Variants in METTL8 observed in about 807,000 individuals in gnomAD.
METTL8 encodes methyltransferase 8, tRNA N3-cytidine.
In METTL8, 32 loss-of-function variants were observed where a neutral mutation model predicts 48.7. The ratio of observed to expected loss-of-function variants is 0.66; its 90% CI spans 0.50 to 0.88. METTL8 has a LOEUF of 0.88. METTL8 is among the 40% of genes least tolerant of loss of function. METTL8 has a pLI of 0.00. For synonymous variants in METTL8, 136 were observed against 157.1 expected, an observed-to-expected ratio of 0.87 and a Z score of 1.01; for missense variants, 464 against 474.4, an observed-to-expected ratio of 0.98 and a Z score of 0.20.
chr2:171,375,225 C>A, intron 2 of METTL8: 2 of 1,301,324 alleles, frequency 1.5e-6, no homozygotes, highest in South Asian at 2.4e-5. Context: ...GAATAGGATG[C>A]ACGTGGCCGC....
At chr2:171,332,290 T>G (rs1194678290) in intron 5 of METTL8, 1 of 148,976 alleles carries the variant, frequency 6.7e-6, no homozygotes, top group Non-Finnish European at 1.4e-5. Context: ...GCCCCTCAGC[T>G]TTTTTTTTGA....
chr2:171,371,803 TA>T (rs1309352732), intron 2 of METTL8, among the ~76,000 whole-genome samples: 1 of 149,946 alleles, frequency 6.7e-6, no homozygotes, highest in Non-Finnish European at 1.5e-5. Flanking sequence ...AGCTAATTTT[TA>T]AAATTTTTAA....
intron 1 of METTL8, among the ~76,000 whole-genome samples, chr2:171,399,427 TGGGTTCA>T (rs1689429888): frequency 6.6e-6 from 1 of 152,150 alleles, no homozygotes; most frequent in African/African-American, 2.4e-5. Context: ...TAAAAGGACT[TGGGTTCA>T]GCATACATAG....
At chr2:171,324,703 C>T (rs1044107823) in intron 9 of METTL8, among the ~76,000 whole-genome samples, 1 of 152,182 alleles carries the variant, frequency 6.6e-6, no homozygotes, top group Non-Finnish European at 1.5e-5. Context: ...TAAAAGTACT[C>T]ACATAAATTT....
chr2:171,336,190 G>C (rs1686070898), intron 5 of METTL8, among the ~76,000 whole-genome samples: 1 of 152,032 alleles, frequency 6.6e-6, no homozygotes, highest in African/African-American at 2.4e-5. Context: ...CCACCTCCTG[G>C]GTTCAAGCAA....
chr2:171,331,795 G>A lies in METTL8; in HGVS notation c.720+9C>T, dbSNP rs554813161. 6.3e-7 allele frequency: 1 copy of A among 1,596,648 alleles called. No homozygotes were observed. The highest frequency in any genetic ancestry group is 1.1e-5 in the South Asian group (1 of 88,246). ...GCATCAGTTGGTATGATTCCCAGGA[G>A]TAGCATACCTTTACGAGCTCCACAG... On this transcript the variant is annotated intron_variant, in intron 6 of 9. Coordinates refer to ENST00000375258, the MANE Select transcript of METTL8 (RefSeq NM_001321154.2).
intron 1 of METTL8, among the ~76,000 whole-genome samples, chr2:171,424,781 A>T (rs1474913987): frequency 1.3e-5 from 2 of 152,192 alleles, no homozygotes; most frequent in African/African-American, 4.8e-5. Flanking sequence ...TTTTGAGTTA[A>T]TGCTGGAATA....
In METTL8 at chr2:171,322,059, T is replaced by C. The variant is rs1684548069; in HGVS notation, c.*2113A>G. 6.6e-6 allele frequency: 1 copy of C among 150,774 alleles called. No individual in the cohort carries two copies. The highest frequency in any genetic ancestry group is 1.5e-5 in the Non-Finnish European group (1 of 67,776). 9.3% of individuals were successfully genotyped at this position (150,774 alleles called of 1,614,324 possible). On this transcript the variant is annotated 3_prime_UTR_variant, in exon 10 of 10. Coordinates refer to ENST00000375258, the MANE Select transcript of METTL8 (RefSeq NM_001321154.2). ...CTCACTGCAACCTCTGCCTCCCGGG[T>C]TCAAGTGATTCTCCTGCCTCAGCCT... is the stretch of plus-strand genomic sequence containing the variant.
At chr2:171,356,872 G>C (rs980677375) in intron 3 of METTL8, among the ~76,000 whole-genome samples, 4 of 150,538 alleles carry the variant, frequency 2.7e-5, no homozygotes, top group Non-Finnish European at 4.4e-5. Context: ...GTCCTGGCCA[G>C]AGACATTAGG....
At chr2:171,409,886 G>C (rs1170902119) in intron 1 of METTL8, among the ~76,000 whole-genome samples, 1 of 152,182 alleles carries the variant, frequency 6.6e-6, no homozygotes, top group African/African-American at 2.4e-5. Flanking sequence ...CCTCCAGGCA[G>C]AGCCTTGTAA....
At chr2:171,348,736 C>T (rs1683561366) in intron 3 of METTL8, among the ~76,000 whole-genome samples, 2 of 151,686 alleles carry the variant, frequency 1.3e-5, no homozygotes, top group African/African-American at 2.4e-5. Context: ...GTGTTAACTT[C>T]GTGAAAATTC....
chr2:171,389,428 G>C (rs1413064500), intron 2 of METTL8, among the ~76,000 whole-genome samples: 1 of 140,010 alleles, frequency 7.1e-6, no homozygotes, highest in Admixed American at 8.1e-5. Context: ...GCTGAGGCCA[G>C]AGAATCACTT....
chr2:171,386,787 A>G (rs993904401), intron 2 of METTL8, among the ~76,000 whole-genome samples: 1 of 151,808 alleles, frequency 6.6e-6, no homozygotes, highest in Non-Finnish European at 1.5e-5. Flanking sequence ...TTTTCCCAAG[A>G]CCGCCCTGGC....
chr2:171,320,393 T>C lies in METTL8; in HGVS notation c.*3779A>G, dbSNP rs970896869. On this transcript the variant is annotated 3_prime_UTR_variant, in exon 10 of 10. Transcript: ENST00000375258. The stretch of plus-strand genomic sequence containing the variant: ...TTAACTCACATGCTGTAATACATTA[T>C]AGAAAGACACGAAGCCGAATTTTAC... 3.3e-5 allele frequency: 5 copies of C among 152,232 alleles called. No individual in the cohort carries two copies. Among genetic ancestry groups the C allele is most frequent in the African/African-American group, 1.2e-4 (5 of 41,458 alleles). The allele number at this position is 152,232 out of a possible 1,614,324, so 9.4% of individuals were successfully genotyped here. A position where few individuals can be genotyped will look rare whatever the true frequency, so the allele number is the denominator to read the frequency against.
intron 2 of METTL8, among the ~76,000 whole-genome samples, chr2:171,369,087 C>A (rs1335610822): frequency 6.6e-6 from 1 of 151,924 alleles, no homozygotes; most frequent in African/African-American, 2.4e-5. Context: ...AGGCGGATCA[C>A]GAGGTCAGGA....
intron 3 of METTL8, among the ~76,000 whole-genome samples, chr2:171,344,646 G>C (rs936550378): frequency 8.5e-5 from 13 of 152,122 alleles, no homozygotes; most frequent in African/African-American, 3.1e-4. Context: ...TGAGCAATAG[G>C]AACATTAAAT....
chr2:171,406,316 T>C (rs1260632986), intron 1 of METTL8, among the ~76,000 whole-genome samples: 1 of 152,204 alleles, frequency 6.6e-6, no homozygotes, highest in Non-Finnish European at 1.5e-5. Context: ...CTGTTATGTA[T>C]GAAAGAGGGG....
At chr2:171,365,468 G>A (rs1395764834) in intron 2 of METTL8, among the ~76,000 whole-genome samples, 2 of 152,086 alleles carry the variant, frequency 1.3e-5, no homozygotes, top group African/African-American at 4.8e-5. Context: ...AAATTGGGTG[G>A]AGGCCGAGAG....
chr2:171,398,061 A>C (rs1689282263), intron 1 of METTL8, among the ~76,000 whole-genome samples: 1 of 152,224 alleles, frequency 6.6e-6, no homozygotes, highest in Non-Finnish European at 1.5e-5. Flanking sequence ...AAAATGATAC[A>C]GCAGCTATGA....
Sources: allele counts gnomAD v4.1 joint callset (sites outside exome capture counted in the v4.1 genomes callset), GRCh38; gene constraint gnomAD v4.1.1; transcripts MANE v1.5; gene names NCBI Gene and HGNC (gene_info 2026-07-23, HGNC 2026-07-21).